The following GABRB1 variants were observed in gnomAD, a reference collection of about 807,000 sequenced individuals.
GABRB1 encodes gamma-aminobutyric acid type A receptor subunit beta1.
GABRB1 carries 17 observed loss-of-function variants against 51.6 expected under a neutral mutation model. The ratio of observed to expected loss-of-function variants is 0.33; its 90% CI spans 0.23 to 0.49. GABRB1 has a LOEUF of 0.49. Among genes scored for constraint, GABRB1 ranks in the 20% least tolerant of loss-of-function variants. The pLI is 0.99. For synonymous variants in GABRB1, 247 were observed against 218.9 expected (o/e 1.13, Z -1.14); for missense variants, 410 against 600.6 (o/e 0.68, Z 3.32).
intron 5 of GABRB1, among the ~76,000 whole-genome samples, chr4:47,324,352 A>G (rs1725179004): frequency 6.6e-6 from 1 of 152,004 alleles, no homozygotes; most frequent in Admixed American, 6.6e-5. Flanking sequence ...GTCCACACAC[A>G]TACCTCACCC....
chr4:47,029,568 T>C (rs1256252942), upstream of GABRB1, among the ~76,000 whole-genome samples: 1 of 152,062 alleles, frequency 6.6e-6, no homozygotes, highest in Non-Finnish European at 1.5e-5. Context: ...AACATAGTTA[T>C]CGCAATAATC....
At chr4:47,061,619 A>G (rs1204713656) in intron 3 of GABRB1, among the ~76,000 whole-genome samples, 1 of 152,216 alleles carries the variant, frequency 6.6e-6, no homozygotes, top group Non-Finnish European at 1.5e-5. Context: ...AAAAGAAATG[A>G]GTCATGTCAG....
At position 47,392,331 on chromosome 4, in the gene GABRB1, C is replaced by T. The variant is rs529483810; in HGVS notation, c.545-10987C>T. 6.7e-5 allele frequency among the ~76,000 whole-genome samples: 10 copies of T among 149,562 alleles called. No individual in the cohort carries two copies. The East Asian group carries it at 1.4e-3, about 21-fold the overall frequency. ...CCAGGAACAGGAAGCTTCTTTCTCC[C>T]TTCCACCTTTTTTTTTTTTTTTTTT... On this transcript the variant is annotated intron_variant, in intron 5 of 8. Transcript: ENST00000295454.
chr4:47,249,191 G>A (rs1048652107), intron 4 of GABRB1, among the ~76,000 whole-genome samples: 4 of 151,846 alleles, frequency 2.6e-5, no homozygotes, highest in Non-Finnish European at 4.4e-5. Context: ...GTATTCTAGA[G>A]GTTTGATAGA....
chr4:47,345,956 C>T (rs1726072527), intron 5 of GABRB1, among the ~76,000 whole-genome samples: 1 of 151,938 alleles, frequency 6.6e-6, no homozygotes, highest in South Asian at 2.1e-4. Context: ...CCCACAATGC[C>T]CCACATGAGG....
intron 3 of GABRB1, among the ~76,000 whole-genome samples, chr4:47,054,760 T>A (rs997414880): frequency 2.0e-5 from 3 of 152,142 alleles, no homozygotes; most frequent in African/African-American, 7.2e-5. Context: ...TTTTTTTGTA[T>A]TTTTAGTAGA....
In GABRB1 at chr4:47,382,489, A is replaced by T. The variant is rs541837504; in HGVS notation, c.545-20829A>T. Reference sequence around the variant, plus strand: ...TGATGATGGATTGCTTCTAAGAAGCACTCTGTAGCTATCACTTTGCAAAAT... The same window carrying T: ...TGATGATGGATTGCTTCTAAGAAGCTCTCTGTAGCTATCACTTTGCAAAAT... On this transcript the variant is annotated intron_variant, in intron 5 of 8. Transcript: ENST00000295454. Among the ~76,000 whole-genome samples, 3 of 152,272 alleles carry T rather than the reference A, an allele frequency of 2.0e-5. No individual in the cohort carries two copies. In the South Asian group the frequency reaches 6.2e-4, roughly 32 times the overall value.
At chr4:47,201,728 T>G (rs1719903472) in intron 4 of GABRB1, among the ~76,000 whole-genome samples, 2 of 152,134 alleles carry the variant, frequency 1.3e-5, no homozygotes, top group African/African-American at 4.8e-5. Flanking sequence ...TAATAAAAAG[T>G]TGTGAAAAGC....
intron 1 of GABRB1, chr4:46,994,500 GAGACAGA>G (rs1234984094): frequency 7.8e-6 from 1 of 128,034 alleles, no homozygotes. Flanking sequence ...GAGAGAGAGA[GAGACAGA>G]GAGAGACAGA....
At chr4:47,200,687 C>A (rs1233912831) in intron 4 of GABRB1, among the ~76,000 whole-genome samples, 1 of 152,106 alleles carries the variant, frequency 6.6e-6, no homozygotes, top group Non-Finnish European at 1.5e-5. Context: ...CAGAGCTTTG[C>A]GCACAAGGCC....
chr4:47,001,247 A>T (rs1724172130), intron 1 of GABRB1, among the ~76,000 whole-genome samples: 1 of 152,018 alleles, frequency 6.6e-6, no homozygotes, highest in Non-Finnish European at 1.5e-5. Context: ...GGTTCACGCC[A>T]TTCTCCTGCC....
chr4:47,087,225 A>G (rs892812528), intron 3 of GABRB1, among the ~76,000 whole-genome samples: 1 of 152,172 alleles, frequency 6.6e-6, no homozygotes, highest in African/African-American at 2.4e-5. Flanking sequence ...TGAACTTCAG[A>G]TTAGGCTCAG....
intron 1 of GABRB1, among the ~76,000 whole-genome samples, chr4:47,010,010 G>A (rs1440516916): frequency 6.6e-6 from 1 of 152,196 alleles, no homozygotes; most frequent in African/African-American, 2.4e-5. Flanking sequence ...GCAACTCTGT[G>A]CAGATAAACT....
chr4:47,378,213 G>A (rs1727458759), intron 5 of GABRB1, among the ~76,000 whole-genome samples: 1 of 152,232 alleles, frequency 6.6e-6, no homozygotes, highest in Non-Finnish European at 1.5e-5. Context: ...GGCAGCTAAG[G>A]CCTGGCGAGA....
At chr4:47,303,393 T>C (rs972536118) in intron 4 of GABRB1, among the ~76,000 whole-genome samples, 1 of 151,760 alleles carries the variant, frequency 6.6e-6, no homozygotes, top group African/African-American at 2.4e-5. Flanking sequence ...TCTCTATATA[T>C]ATATATATCA....
At position 47,074,306 on chromosome 4, in the gene GABRB1, G is replaced by T. The variant is rs945693458; in HGVS notation, c.240+41822G>T. Among the ~76,000 whole-genome samples, 17 of 152,252 alleles carry T rather than the reference G, an allele frequency of 1.1e-4. No homozygotes were observed. In the East Asian group the frequency reaches 3.3e-3, roughly 29 times the overall value. Reference sequence around the variant, plus strand: ...ATTGAAGCTCGTATCTAAGAGTGACGTACAGTTTAAGAGCTTAAAGTATTT... The same window carrying T: ...ATTGAAGCTCGTATCTAAGAGTGACTTACAGTTTAAGAGCTTAAAGTATTT... On this transcript the variant is annotated intron_variant, in intron 3 of 8. Transcript: ENST00000295454.
Position 47,031,697 on chromosome 4 carries a change from C to T in GABRB1, c.46C>T (p.Pro16Ser), listed in dbSNP as rs781754818. The T allele has an allele frequency of 6.2e-7, 1 of 1,613,760 alleles. No homozygotes were observed. Among genetic ancestry groups the T allele is most frequent in the Non-Finnish European group, 8.5e-7 (1 of 1,179,878 alleles). The change falls in exon 1 of 9, where the codon CCT becomes TCT. Residue 16 changes from proline to serine, a missense_variant. Physicochemically the swap from Pro to Ser is moderately conservative, Grantham distance 74. Coordinates refer to ENST00000295454, the MANE Select transcript of GABRB1 (RefSeq NM_000812.4). The stretch of plus-strand genomic sequence containing the variant: ...AGAGAGTCTGGGGCTTCTCTCTTTC[C>T]CTGTGATGATTACCATGGTCTGTTG... ...NRESLGLLSFPVMITMVCCAH... is the reference protein window; with the variant it reads ...NRESLGLLSFSVMITMVCCAH...
At chr4:47,292,860 A>G (rs1723802310) in intron 4 of GABRB1, among the ~76,000 whole-genome samples, 6 of 152,174 alleles carry the variant, frequency 3.9e-5, no homozygotes, top group Admixed American at 3.3e-4. Flanking sequence ...TCCCTCTTTT[A>G]TAATGAGCCC....
intron 4 of GABRB1, among the ~76,000 whole-genome samples, chr4:47,171,926 G>T (rs141018517): frequency 3.9e-5 from 6 of 152,126 alleles, no homozygotes; most frequent in African/African-American, 1.4e-4. Flanking sequence ...CCACCATTTG[G>T]CTGGGTTGCA....
Sources: gnomAD v4.1 joint callset for allele counts (sites outside exome capture counted in the v4.1 genomes callset) on GRCh38, gnomAD v4.1.1 for gene constraint, MANE v1.5 for transcripts, NCBI Gene and HGNC (gene_info 2026-07-23, HGNC 2026-07-21) for gene names.